The following ADAMTS2 variants were observed in gnomAD, a reference collection of about 807,000 sequenced individuals.
ADAMTS2 encodes the protein A disintegrin and metalloproteinase with thrombospondin motifs 2.
A neutral mutation model predicts 123.0 loss-of-function variants in ADAMTS2; 50 were observed. The ratio of observed to expected loss-of-function variants is 0.41; its 90% confidence interval spans 0.32 to 0.51. The LOEUF (loss-of-function observed/expected upper bound fraction) is 0.51. Among genes scored for constraint, ADAMTS2 ranks in the 20% least tolerant of loss-of-function variants. ADAMTS2 has a pLI of 0.35. For missense variants in ADAMTS2, 1,494 were observed against 1,705.2 expected, an observed-to-expected ratio of 0.88 and a Z score of 2.18; for synonymous variants, 678 against 695.4, an observed-to-expected ratio of 0.98 and a Z score of 0.39.
At chr5:179,266,781 C>A (rs902779170) in intron 3 of ADAMTS2, among the ~76,000 whole-genome samples, 18 of 148,378 alleles carry the variant, frequency 1.2e-4, no homozygotes, top group African/African-American at 1.8e-4. Context: ...CCCCAGCCCC[C>A]ACCTGGGCCA....
In ADAMTS2 at chr5:179,317,614, T is replaced by A. The variant is rs1206446187; in HGVS notation, c.534+26153A>T. Among the ~76,000 whole-genome samples the A allele has an allele frequency of 6.6e-6, 1 of 152,180 alleles. No individual in the cohort carries two copies. Among genetic ancestry groups the A allele is most frequent in the Admixed American group, 6.5e-5 (1 of 15,278 alleles). ...AGCACTGCAGTGTTGGTGTAATCTA[T>A]GTCCCCCGGATGGCCAGCGGGCACA... is the stretch of plus-strand genomic sequence containing the variant. On this transcript the variant is annotated intron_variant, in intron 2 of 21. Transcript: ENST00000251582. The surrounding 1 kb of genome is among the most constrained non-coding windows in gnomAD (Gnocchi z 4.9).
intron 1 of ADAMTS2, 68 bp from the exon 2 acceptor site, chr5:179,344,229 A>C (rs1373730650): frequency 1.2e-5 from 18 of 1,518,476 alleles, no homozygotes; most frequent in Non-Finnish European, 1.6e-5. Context: ...ACCCGCCGGC[A>C]AGCCACGCCC....
intron 2 of ADAMTS2, among the ~76,000 whole-genome samples, chr5:179,306,726 G>A (rs1187440870): frequency 6.6e-6 from 1 of 152,210 alleles, no homozygotes; most frequent in Non-Finnish European, 1.5e-5. Context: ...CCTAGGGGAA[G>A]CGGGGGCCCT....
At chr5:179,342,337 GACAC>G (rs1757800917) in intron 2 of ADAMTS2, among the ~76,000 whole-genome samples, 1 of 152,232 alleles carries the variant, frequency 6.6e-6, no homozygotes, top group Admixed American at 6.5e-5. Flanking sequence ...CGTAAAATGG[GACAC>G]ACCTCTGAGG....
intron 5 of ADAMTS2, among the ~76,000 whole-genome samples, chr5:179,165,625 C>T (rs764367104): frequency 1.3e-5 from 2 of 152,138 alleles, no homozygotes; most frequent in South Asian, 2.1e-4. Flanking sequence ...CAGGGGCAGC[C>T]GCGGGCACCC....
Position 179,297,702 on chromosome 5 carries a change from A to G in ADAMTS2, c.535-24638T>C, listed in dbSNP as rs993940472. Among the ~76,000 whole-genome samples, 3 of 152,084 alleles carry G rather than the reference A, an allele frequency of 2.0e-5. No individual in the cohort carries two copies. The South Asian group carries it at 6.2e-4, about 32-fold the overall frequency. On this transcript the variant is annotated intron_variant, in intron 2 of 21. Coordinates refer to ENST00000251582, the MANE Select transcript of ADAMTS2 (RefSeq NM_014244.5). ...CAGAGTGCCCCCAACGCCCTCCACTATAATCCCAGAGGACGGAGAGCTCTT... is the reference window on the plus strand; with the variant it reads ...CAGAGTGCCCCCAACGCCCTCCACTGTAATCCCAGAGGACGGAGAGCTCTT...
At chr5:179,326,864 G>A in intron 2 of ADAMTS2, among the ~76,000 whole-genome samples, 1 of 150,464 alleles carries the variant, frequency 6.6e-6, no homozygotes, top group East Asian at 2.0e-4. Context: ...GTCATGGGAA[G>A]GAGAGGGAGA....
intron 10 of ADAMTS2, among the ~76,000 whole-genome samples, chr5:179,149,980 T>TGCGGCCAG (rs1763323705): frequency 2.6e-5 from 4 of 152,230 alleles, no homozygotes; most frequent in Admixed American, 2.6e-4. Context: ...GGGTGGTCTC[T>TGCGGCCAG]GTGAGGTGGG....
At chr5:179,156,685 T>C (rs1275839388) in intron 6 of ADAMTS2, among the ~76,000 whole-genome samples, 2 of 152,164 alleles carry the variant, frequency 1.3e-5, no homozygotes, top group East Asian at 3.9e-4. Context: ...ACTTCCCCCA[T>C]CCTATCCATA....
chr5:179,164,692 T>C (rs1250639014), intron 5 of ADAMTS2, among the ~76,000 whole-genome samples: 1 of 152,102 alleles, frequency 6.6e-6, no homozygotes, highest in Non-Finnish European at 1.5e-5. Flanking sequence ...CTTCTGGGGG[T>C]GCAGCCCTTG....
chr5:179,282,055 A>G (rs564205438), intron 2 of ADAMTS2, among the ~76,000 whole-genome samples: 40 of 152,272 alleles, frequency 2.6e-4, no homozygotes, highest in African/African-American at 8.9e-4. Flanking sequence ...CCCTTATTAG[A>G]TATACAATTT....
chr5:179,177,464 G>A (rs6862563), intron 5 of ADAMTS2, among the ~76,000 whole-genome samples: 15,166 of 152,248 alleles, frequency 0.1, 967 homozygotes, highest in Non-Finnish European at 0.13. Flanking sequence ...AGTTTACAGG[G>A]TATTGTATTA....
At chr5:179,241,301 G>A (rs866322398) in intron 3 of ADAMTS2, among the ~76,000 whole-genome samples, 3 of 152,168 alleles carry the variant, frequency 2.0e-5, no homozygotes, top group Non-Finnish European at 2.9e-5. Flanking sequence ...GTCCCTCATC[G>A]CAGGCAATGG....
In ADAMTS2 at chr5:179,234,155, C is replaced by A. The variant is rs1765474681; in HGVS notation, c.689-26440G>T. 6.6e-6 allele frequency among the ~76,000 whole-genome samples: 1 copy of A among 152,118 alleles called. No homozygotes were observed. Among genetic ancestry groups the A allele is most frequent in the South Asian group, 2.1e-4 (1 of 4,822 alleles). ...AGCTGGACTTCATGCAAGCTCTCTG[C>A]CAGAAGAGACCCTCTCCTGCCACAG... On this transcript the variant is annotated intron_variant, in intron 3 of 21. Transcript: ENST00000251582. This position sits in a 1 kb window ranked among gnomAD's most constrained non-coding sequence, Gnocchi z 4.7.
rs1474317291 is a variant in ADAMTS2, at chr5:179,114,406, G to A, written c.3179-82C>T. Reference sequence around the variant, plus strand: ...CCCCACAGGGTGCAGCTTGCTGGAGGAGGCATATGGAAGAGCCCAGAGACA... The same window carrying A: ...CCCCACAGGGTGCAGCTTGCTGGAGAAGGCATATGGAAGAGCCCAGAGACA... On this transcript the variant is annotated intron_variant, in intron 21 of 21. Coordinates refer to ENST00000251582, the MANE Select transcript of ADAMTS2 (RefSeq NM_014244.5). The A allele has an allele frequency of 2.8e-6, 4 of 1,404,160 alleles. No homozygotes were observed. In the East Asian group the frequency reaches 7.3e-5, roughly 26 times the overall value. The allele number at this position is 1,404,160 out of a possible 1,614,324, so 87.0% of individuals were successfully genotyped here.
At chr5:179,165,980 C>T (rs180904056) in intron 5 of ADAMTS2, among the ~76,000 whole-genome samples, 5 of 152,298 alleles carry the variant, frequency 3.3e-5, no homozygotes, top group East Asian at 1.9e-4. Context: ...CCAGGACAGT[C>T]GTCACCCCTC....
chr5:179,241,914 G>A (rs577981850), intron 3 of ADAMTS2, among the ~76,000 whole-genome samples: 6 of 152,240 alleles, frequency 3.9e-5, no homozygotes, highest in African/African-American at 1.2e-4. Flanking sequence ...AGCGGGAAGG[G>A]CCTTGCCCCA....
rs369808860 is a variant in ADAMTS2, at chr5:179,181,097, C to T, written c.950G>A (p.Arg317Gln). 10 of 1,613,914 alleles carry T rather than the reference C, an allele frequency of 6.2e-6. No homozygotes were observed. The highest frequency in any genetic ancestry group is 3.3e-5 in the Admixed American group (2 of 60,018). Residue 317 changes from arginine (R) to glutamine (Q), a missense_variant, in exon 5 of 22, where the codon CGG becomes CAG. Coordinates refer to ENST00000251582, the MANE Select transcript of ADAMTS2 (RefSeq NM_014244.5). The surrounding 1 kb of genome is among the most constrained non-coding windows in gnomAD (Gnocchi z 4.1). The part of the protein sequence containing the change: ...LGAHINVVLV[R>Q]IILLSYGKSM... ...CTTTCCATAGCTCAGGAGGATGATC[C>T]GCACCAGGACCACGTTGATGTGGGC...
chr5:179,199,459 T>C (rs907399858), intron 4 of ADAMTS2, among the ~76,000 whole-genome samples: 1 of 152,170 alleles, frequency 6.6e-6, no homozygotes, highest in Non-Finnish European at 1.5e-5. Context: ...GACACCTGCA[T>C]AGAGATGGGA....
Sources: allele counts gnomAD v4.1 joint callset (sites outside exome capture counted in the v4.1 genomes callset), GRCh38; gene constraint gnomAD v4.1.1; non-coding constraint Gnocchi (gnomAD v3.1); transcripts MANE v1.5; gene names NCBI Gene and HGNC (gene_info 2026-07-23, HGNC 2026-07-21).